The following SLC22A24 variants were observed in gnomAD, a reference collection of about 807,000 sequenced individuals.
SLC22A24 encodes the protein steroid transmembrane transporter SLC22A24.
Under a neutral mutation model 49.8 loss-of-function variants are expected in SLC22A24, and 53 were observed. The ratio of observed to expected loss-of-function variants is 1.06; its 90% confidence interval spans 0.85 to 1.34. The LOEUF (loss-of-function observed/expected upper bound fraction) is 1.34, where lower values mean the gene tolerates loss of function less well. Ranked by LOEUF, SLC22A24 falls within the 40% of genes most tolerant of loss-of-function variation. The pLI, the probability that SLC22A24 is intolerant of heterozygous loss-of-function variation, is 0.00. For missense variants in SLC22A24, 786 were observed against 675.9 expected (o/e 1.16, Z -1.81); for synonymous variants, 302 against 256.4 (o/e 1.18, Z -1.70).
At position 63,083,290 on chromosome 11, in the gene SLC22A24, G is replaced by A. The variant is rs561160567; in HGVS notation, c.1238C>T (p.Thr413Met). 3.1e-5 allele frequency: 48 copies of A among 1,561,444 alleles called. No individual in the cohort carries two copies. The highest frequency in any genetic ancestry group is 5.4e-5 in the African/African-American group (4 of 73,870). ...MGRRISQILF[T>M]FPVGLFILVN... ...CAGAATGAAAAGTCCCACCGGGAAC[G>A]TGAACAATATCTGGCTTATTCGACG... Residue 413 changes from threonine to methionine, a missense_variant, in exon 7 of 10, where the codon ACG becomes ATG. Transcript: ENST00000612278.
Position 63,096,075 on chromosome 11 carries a change from T to C in SLC22A24, c.986A>G (p.Asp329Gly). Residue 329 changes from aspartate (D) to glycine (G), a missense_variant, in exon 6 of 10, where the codon GAT becomes GGT. Transcript: ENST00000612278. ...LVRSTMKKELDAVRIKTSIFS... is the reference protein window; with the variant it reads ...LVRSTMKKELGAVRIKTSIFS... ...AATGGATGTTTTAATTCGGACTGCA[T>C]CCAACTCCTTCTTCATGGTGGATCT... 1 of 1,550,752 alleles carries C rather than the reference T, an allele frequency of 6.4e-7. No homozygotes were observed. Among genetic ancestry groups the C allele is most frequent in the Non-Finnish European group, 8.7e-7 (1 of 1,146,304 alleles).
intron 2 of SLC22A24, among the ~76,000 whole-genome samples, chr11:63,122,374 A>G (rs930764792): frequency 2.6e-5 from 4 of 152,320 alleles, no homozygotes; most frequent in East Asian, 3.9e-4. Context: ...ATATCTGACT[A>G]AAACATCAAT....
At chr11:63,080,115 A>G (rs1326763399) in intron 9 of SLC22A24, 115 bp from the exon 10 acceptor site, 4 of 639,520 alleles carry the variant, frequency 6.3e-6, no homozygotes, top group Non-Finnish European at 1.1e-5. Flanking sequence ...ACCCACCAGC[A>G]TTGTAATCCA....
Position 63,083,228 on chromosome 11 carries a change from T to G in SLC22A24, c.1285+15A>C, listed in dbSNP as rs2086969525. 16 of 1,546,874 alleles carry G rather than the reference T, an allele frequency of 1.0e-5. No homozygotes were observed. The highest frequency in any genetic ancestry group is 1.4e-5 in the Non-Finnish European group (16 of 1,142,738). Reference sequence around the variant, plus strand: ...GGGTAACTACTTTCTTTCCTGAAACTCCTGTCTCTCTCACCTTGGGGCAAA... The same window carrying G: ...GGGTAACTACTTTCTTTCCTGAAACGCCTGTCTCTCTCACCTTGGGGCAAA... On this transcript the variant is annotated intron_variant, in intron 7 of 9. Coordinates refer to ENST00000612278, the MANE Select transcript of SLC22A24 (RefSeq NM_001136506.2).
intron 2 of SLC22A24, among the ~76,000 whole-genome samples, chr11:63,129,731 T>A (rs2087319821): frequency 6.6e-6 from 1 of 152,182 alleles, no homozygotes; most frequent in Non-Finnish European, 1.5e-5. Flanking sequence ...TTTATTCTCT[T>A]TGTAGTAACT....
chr11:63,140,644 A>G (rs1313843798), intron 1 of SLC22A24, among the ~76,000 whole-genome samples: 1 of 152,202 alleles, frequency 6.6e-6, no homozygotes, highest in Non-Finnish European at 1.5e-5. Context: ...GCTTCACCCC[A>G]GTACATAATT....
At chr11:63,112,998 G>GT (rs2087177688) in intron 4 of SLC22A24, among the ~76,000 whole-genome samples, 1 of 55,352 alleles carries the variant, frequency 1.8e-5, no homozygotes, top group African/African-American at 9.5e-5. Context: ...CTGTGTGACA[G>GT]CAGACTCTGT....
At chr11:63,095,078 A>T (rs1031842045) in intron 6 of SLC22A24, among the ~76,000 whole-genome samples, 1 of 152,084 alleles carries the variant, frequency 6.6e-6, no homozygotes, top group African/African-American at 2.4e-5. Flanking sequence ...CTGAATGGTA[A>T]TGCCTAGGTT....
intron 2 of SLC22A24, among the ~76,000 whole-genome samples, chr11:63,124,362 C>A (rs190848702): frequency 4.1e-4 from 62 of 152,232 alleles, no homozygotes; most frequent in Non-Finnish European, 7.1e-4. Context: ...GAGATAAATT[C>A]GATGTATGGA....
intron 6 of SLC22A24, among the ~76,000 whole-genome samples, chr11:63,083,670 A>T (rs1040796747): frequency 5.9e-5 from 9 of 152,226 alleles, no homozygotes; most frequent in Non-Finnish European, 1.0e-4. Context: ...ATTGTGGAAC[A>T]TGATGTTAAA....
At chr11:63,093,283 G>T (rs2087032091) in intron 6 of SLC22A24, among the ~76,000 whole-genome samples, 1 of 152,166 alleles carries the variant, frequency 6.6e-6, no homozygotes, top group Non-Finnish European at 1.5e-5. Flanking sequence ...GAGTAGTGTG[G>T]TGATTCCTCA....
intron 4 of SLC22A24, among the ~76,000 whole-genome samples, chr11:63,110,407 G>A (rs981725316): frequency 1.1e-4 from 16 of 151,672 alleles, no homozygotes; most frequent in Admixed American, 7.2e-4. Context: ...AGCTTGATGG[G>A]GATGGCATTG....
intron 4 of SLC22A24, among the ~76,000 whole-genome samples, chr11:63,111,558 T>A (rs2087165002): frequency 6.6e-6 from 1 of 152,162 alleles, no homozygotes; most frequent in Non-Finnish European, 1.5e-5. Context: ...AGATTCAACT[T>A]CTTCCTGGTT....
Position 63,088,535 on chromosome 11 carries a change from C to G in SLC22A24, c.1071-5078G>C, listed in dbSNP as rs538166686. 3.9e-5 allele frequency among the ~76,000 whole-genome samples: 6 copies of G among 152,234 alleles called. No homozygotes were observed. In the South Asian group the frequency reaches 1.2e-3, roughly 32 times the overall value. ...CAGAATGCCTCTTCTCTCCAATGAT[C>G]CCAACTCCTCTCCAGCAAGGGAACA... On this transcript the variant is annotated intron_variant, in intron 6 of 9. Transcript: ENST00000612278.
At chr11:63,094,017 T>A (rs1319188682) in intron 6 of SLC22A24, among the ~76,000 whole-genome samples, 1 of 151,916 alleles carries the variant, frequency 6.6e-6, no homozygotes, top group Non-Finnish European at 1.5e-5. Context: ...ATACTTTAAG[T>A]TTTAGGGTAC....
rs1262115587 is a variant in SLC22A24 at position 63,143,801 on chromosome 11, C to T, written c.-22G>A. The T allele has an allele frequency of 7.5e-7, 1 of 1,341,490 alleles. No individual in the cohort carries two copies. Among genetic ancestry groups the T allele is most frequent in the African/African-American group, 1.5e-5 (1 of 65,898 alleles). 83.1% of individuals were successfully genotyped at this position (1,341,490 alleles called of 1,614,324 possible). A position where few individuals can be genotyped will look rare whatever the true frequency, so the allele number is the denominator to read the frequency against. ...CCATTGAGACTGAACAGGTGATCCC[C>T]AAGAGGAAGCACAATGACTTTATGA... On this transcript the variant is annotated 5_prime_UTR_variant, in exon 1 of 10. Transcript: ENST00000612278.
chr11:63,081,542 T>A lies in SLC22A24; in HGVS notation c.1394+16A>T, dbSNP rs1339514304. On this transcript the variant is annotated intron_variant, in intron 8 of 9. Coordinates refer to ENST00000612278, the MANE Select transcript of SLC22A24 (RefSeq NM_001136506.2). ...AAATTTGTGTTTTGAAACCAGATGG[T>A]CTTTAGCTCTTGTACCTCAATATGG... is the stretch of plus-strand genomic sequence containing the variant. The A allele has an allele frequency of 2.0e-6, 3 of 1,517,970 alleles. No homozygotes were observed. Among genetic ancestry groups the A allele is most frequent in the Non-Finnish European group, 1.8e-6 (2 of 1,116,252 alleles). 94.0% of individuals were successfully genotyped at this position (1,517,970 alleles called of 1,614,324 possible). A position where few individuals can be genotyped will look rare whatever the true frequency, so the allele number is the denominator to read the frequency against.
At chr11:63,138,036 A>G (rs1380306665) in intron 1 of SLC22A24, among the ~76,000 whole-genome samples, 1 of 152,192 alleles carries the variant, frequency 6.6e-6, no homozygotes. Context: ...AGTTTGTGCT[A>G]AGAATTTGTC....
chr11:63,096,045 G>GA lies in SLC22A24; in HGVS notation c.1015dup (p.Ser339PhefsTer106). The GA allele has an allele frequency of 6.4e-7, 1 of 1,550,680 alleles. No homozygotes were observed. On this transcript the variant is annotated frameshift_variant, in exon 6 of 10. Transcript: ENST00000612278. LOFTEE classifies it high-confidence loss of function. ...TCGCAATTTGGGTGCACGGAACAGG[G>GA]AAAAAATGGATGTTTTAATTCGGAC...
Sources: gnomAD v4.1 joint callset for allele counts (sites outside exome capture counted in the v4.1 genomes callset) on GRCh38, gnomAD v4.1.1 for gene constraint, MANE v1.5 for transcripts, NCBI Gene and HGNC (gene_info 2026-07-23, HGNC 2026-07-21) for gene names.